LILRB1: variants seen among roughly 807,000 people sequenced by gnomAD.
LILRB1 encodes leukocyte immunoglobulin like receptor B1, also known as leukocyte immunoglobulin-like receptor subfamily B member 1.
In LILRB1, 59 loss-of-function variants were observed where a neutral mutation model predicts 74.6. The ratio of observed to expected loss-of-function variants is 0.79; its 90% CI spans 0.64 to 0.98. LILRB1 has a LOEUF of 0.98. Among genes scored for constraint, LILRB1 ranks in the 50% least tolerant of loss-of-function variants. The pLI, the probability that LILRB1 is intolerant of heterozygous loss-of-function variation, is 0.00. For synonymous variants in LILRB1, 328 were observed against 333.9 expected (o/e 0.98, Z 0.19); for missense variants, 804 against 822.6 (o/e 0.98, Z 0.28).
chr19:54,629,946 A>G (rs1245293122), upstream of LILRB1, among the ~76,000 whole-genome samples: 2 of 150,996 alleles, frequency 1.3e-5, no homozygotes, highest in African/African-American at 2.4e-5. Context: ...CAGATGTGAG[A>G]TCCAGAGTGG....
chr19:54,633,254 C>A lies in LILRB1; in HGVS notation c.1197C>A (p.Gly399=), dbSNP rs769662563. 4.3e-6 allele frequency: 7 copies of A among 1,614,188 alleles called. No individual in the cohort carries two copies. The highest frequency in any genetic ancestry group is 1.1e-5 in the South Asian group (1 of 91,084). Residue 399 remains glycine, a synonymous_variant, in exon 7 of 15, where the codon GGC becomes GGA. Transcript: ENST00000324602. ...ATGCGGGGACCTACAGGTGCTACGG[C>A]TCACAGAGCTCCAAACCCTACCTGC... The part of the protein sequence containing the change: ...SAHAGTYRCY[G]SQSSKPYLLT...
intron 1 of LILRB1, 156 bp downstream of exon 1, chr19:54,630,789 C>A: frequency 1.4e-6 from 1 of 729,128 alleles, no homozygotes; most frequent in South Asian, 1.6e-5. Flanking sequence ...TCCTGGCTCT[C>A]AGTGGGATGA....
intron 1 of LILRB1, among the ~76,000 whole-genome samples, chr19:54,620,219 A>G (rs2063419520): frequency 6.6e-6 from 1 of 152,226 alleles, no homozygotes; most frequent in Admixed American, 6.5e-5. Flanking sequence ...GATATAGAGG[A>G]AGGGCAAAAA....
Position 54,637,471 on chromosome 19 carries a change from G to C in LILRB1, c.*593G>C, listed in dbSNP as rs2064534347. Reference sequence around the variant, plus strand: ...ACCAGGGAGTCAGAGGTTTCAGTGAGCCAAGATCGCACCACTGCTCTCCAG... The same window carrying C: ...ACCAGGGAGTCAGAGGTTTCAGTGACCCAAGATCGCACCACTGCTCTCCAG... On this transcript the variant is annotated 3_prime_UTR_variant, in exon 15 of 15. Coordinates refer to ENST00000324602, the MANE Select transcript of LILRB1 (RefSeq NM_001081637.3). 6.7e-6 allele frequency: 1 copy of C among 149,258 alleles called. No homozygotes were observed. Among genetic ancestry groups the C allele is most frequent in the Admixed American group, 6.7e-5 (1 of 14,848 alleles). 9.2% of individuals were successfully genotyped at this position (149,258 alleles called of 1,614,324 possible). A position where few individuals can be genotyped will look rare whatever the true frequency, so the allele number is the denominator to read the frequency against.
chr19:54,630,571 G>GCAC lies in LILRB1; in HGVS notation c.-110_-109insACC, dbSNP rs2063748975. ...GATGCGTCTCTGCTGATCTGAGTCTGCCTGCAGCATGGACCTGGGTCTTCC... is the reference window on the plus strand; with the variant it reads ...GATGCGTCTCTGCTGATCTGAGTCTGCACCCTGCAGCATGGACCTGGGTCTTCC... On this transcript the variant is annotated 5_prime_UTR_variant, in exon 1 of 15. Coordinates refer to ENST00000324602, the MANE Select transcript of LILRB1 (RefSeq NM_001081637.3). The GCAC allele has an allele frequency of 5.6e-5, 27 of 478,176 alleles. No individual in the cohort carries two copies. The highest frequency in any genetic ancestry group is 3.3e-4 in the African/African-American group (13 of 39,786). The allele number at this position is 478,176 out of a possible 1,614,324, so 29.6% of individuals were successfully genotyped here.
At chr19:54,623,810 C>T (rs1408806121) in intron 1 of LILRB1, among the ~76,000 whole-genome samples, 1 of 152,200 alleles carries the variant, frequency 6.6e-6, no homozygotes, top group East Asian at 1.9e-4. Context: ...TTACTCTCTT[C>T]GAATTTATTT....
At chr19:54,616,789 T>A (rs2063321675), upstream of LILRB1, among the ~76,000 whole-genome samples, 1 of 142,278 alleles carries the variant, frequency 7.0e-6, no homozygotes. Context: ...AACGAGAGAC[T>A]GTGTTTCCTC....
intron 1 of LILRB1, among the ~76,000 whole-genome samples, chr19:54,618,332 G>A (rs2063367662): frequency 6.6e-6 from 1 of 152,086 alleles, no homozygotes; most frequent in Non-Finnish European, 1.5e-5. Context: ...ACTTTATCAG[G>A]ACAAGATGCT....
chr19:54,627,257 C>T (rs966256239), upstream of LILRB1, among the ~76,000 whole-genome samples: 1 of 152,142 alleles, frequency 6.6e-6, no homozygotes, highest in African/African-American at 2.4e-5. Context: ...AAAATTAACC[C>T]TTTTGCTAAA....
At chr19:54,630,876 AC>A (rs1268200642) in intron 1 of LILRB1, 149 bp from the exon 2 acceptor site, 1 of 642,650 alleles carries the variant, frequency 1.6e-6, no homozygotes, top group East Asian at 3.4e-5. Flanking sequence ...GGGCCTAGTG[AC>A]TGCCCCCACC....
At chr19:54,636,445 A>C (rs367844032) in intron 13 of LILRB1, 49 bp from the exon 14 acceptor site, 9 of 1,601,078 alleles carry the variant, frequency 5.6e-6, no homozygotes, top group African/African-American at 4.0e-5. Context: ...AATTGACTCC[A>C]GGGGGTCAGG....
At chr19:54,620,828 T>C (rs1283147187) in intron 1 of LILRB1, among the ~76,000 whole-genome samples, 1 of 152,212 alleles carries the variant, frequency 6.6e-6, no homozygotes, top group Admixed American at 6.5e-5. Context: ...CTGTTGTGAA[T>C]AGTGCTGCAA....
chr19:54,634,264 G>C (rs1004494765), intron 9 of LILRB1: 1 of 1,521,028 alleles, frequency 6.6e-7, no homozygotes, highest in Admixed American at 2.0e-5. Flanking sequence ...ACCCGATTCC[G>C]CGGGGGCCTG....
Position 54,632,408 on chromosome 19 carries a change from G to C in LILRB1, c.662-56G>C, listed in dbSNP as rs542902076. 3.3e-6 allele frequency: 5 copies of C among 1,507,230 alleles called. No individual in the cohort carries two copies. In the Admixed American group the frequency reaches 5.9e-5, roughly 18 times the overall value. The allele number at this position is 1,507,230 out of a possible 1,614,324, so 93.4% of individuals were successfully genotyped here. On this transcript the variant is annotated intron_variant, in intron 5 of 14. Coordinates refer to ENST00000324602, the MANE Select transcript of LILRB1 (RefSeq NM_001081637.3). ...TGATGTGGCCCCGGGGGAAAGGGAA[G>C]ATTTGTGGGGAAGCCTGAGGGTCGG... is the stretch of plus-strand genomic sequence containing the variant.
rs2064176246 is a variant in LILRB1 at position 54,634,163 on chromosome 19, G to A, written c.1363+142G>A. 1.3e-5 allele frequency: 19 copies of A among 1,519,760 alleles called. No individual in the cohort carries two copies. The South Asian group carries it at 2.4e-4, about 19-fold the overall frequency. 94.1% of individuals were successfully genotyped at this position (1,519,760 alleles called of 1,614,324 possible). A position where few individuals can be genotyped will look rare whatever the true frequency, so the allele number is the denominator to read the frequency against. ...GGGCCTCAGTTTCTCCAAATGTAAA[G>A]GTGAGAGGCCTGCGGGTGGGAAAGT... is the stretch of plus-strand genomic sequence containing the variant. On this transcript the variant is annotated intron_variant, in intron 9 of 14. Coordinates refer to ENST00000324602, the MANE Select transcript of LILRB1 (RefSeq NM_001081637.3).
rs373309747 is a variant in LILRB1, at chr19:54,635,191, C to T, written c.1562+12C>T. The T allele has an allele frequency of 1.0e-5, 16 of 1,598,754 alleles. 2 individuals are homozygous for T. Among genetic ancestry groups the T allele is most frequent in the South Asian group, 6.7e-5 (6 of 90,204 alleles). On this transcript the variant is annotated intron_variant, in intron 11 of 14. Transcript: ENST00000324602. Reference sequence around the variant, plus strand: ...GGCCTGCAGTGGAGGTAATTCTGCCCGAAGACCCCAGACTCCCACCTGCTC... The same window carrying T: ...GGCCTGCAGTGGAGGTAATTCTGCCTGAAGACCCCAGACTCCCACCTGCTC...
At position 54,631,506 on chromosome 19, in the gene LILRB1, T is replaced by C; in HGVS notation, c.77T>C (p.Leu26Pro). Residue 26 changes from leucine to proline, a missense_variant, in exon 4 of 15, where the codon CTC (leucine) becomes CCC (proline). Physicochemically the swap from Leu to Pro is moderately conservative, Grantham distance 98. Coordinates refer to ENST00000324602, the MANE Select transcript of LILRB1 (RefSeq NM_001081637.3). ...GPRTHVQAGH[L>P]PKPTLWAEPG... ...ACTCCTGATTTCCTTCCAGGGCACC[T>C]CCCCAAGCCCACCCTCTGGGCTGAA... The C allele has an allele frequency of 1.9e-6, 3 of 1,608,214 alleles. No homozygotes were observed. The highest frequency in any genetic ancestry group is 1.3e-5 in the African/African-American group (1 of 74,690).
upstream of LILRB1, among the ~76,000 whole-genome samples, chr19:54,629,138 A>G (rs1193451710): frequency 6.6e-6 from 1 of 152,058 alleles, no homozygotes; most frequent in East Asian, 1.9e-4. Context: ...ACTTTTTTCA[A>G]CCAAACGGGG....
At chr19:54,618,318 A>G (rs1372550352) in intron 1 of LILRB1, among the ~76,000 whole-genome samples, 1 of 152,188 alleles carries the variant, frequency 6.6e-6, no homozygotes, top group Non-Finnish European at 1.5e-5. Context: ...TGCTTAAATC[A>G]AATACTTTAT....
Sources: gnomAD v4.1 joint callset for allele counts (sites outside exome capture counted in the v4.1 genomes callset) on GRCh38, gnomAD v4.1.1 for gene constraint, MANE v1.5 for transcripts, NCBI Gene and HGNC (gene_info 2026-07-23, HGNC 2026-07-21) for gene names.